FBXO42: variants seen among roughly 807,000 people sequenced by gnomAD.
FBXO42 encodes the protein F-box protein 42.
In FBXO42, 12 loss-of-function variants were observed where a neutral mutation model predicts 71.7. The observed-to-expected ratio is 0.17, with a 90% CI of 0.11 to 0.27. The LOEUF (loss-of-function observed/expected upper bound fraction) is 0.27, where lower values mean the gene tolerates loss of function less well. Ranked by LOEUF, FBXO42 falls within the 10% of genes least tolerant of loss-of-function variation. FBXO42 has a pLI of 1.00. For missense variants in FBXO42, 707 were observed against 911.9 expected, an observed-to-expected ratio of 0.78 and a Z score of 2.89; for synonymous variants, 325 against 327.5, an observed-to-expected ratio of 0.99 and a Z score of 0.08.
chr1:16,334,073 A>G (rs2082526812), intron 1 of FBXO42, among the ~76,000 whole-genome samples: 1 of 152,196 alleles, frequency 6.6e-6, no homozygotes, highest in Non-Finnish European at 1.5e-5. Context: ...ATTCAAAGAT[A>G]GCTTATAATA....
chr1:16,301,989 G>A (rs2082199922), intron 3 of FBXO42, among the ~76,000 whole-genome samples: 2 of 152,014 alleles, frequency 1.3e-5, no homozygotes, highest in African/African-American at 4.8e-5. Context: ...AGAAACTGTG[G>A]GTCAGACAAG....
intron 4 of FBXO42, among the ~76,000 whole-genome samples, chr1:16,282,670 C>A (rs1322315026): frequency 6.6e-6 from 1 of 151,840 alleles, no homozygotes; most frequent in Non-Finnish European, 1.5e-5. Flanking sequence ...CACAGTAAGA[C>A]CCCATTTCCA....
Position 16,250,902 on chromosome 1 carries a change from C to A in FBXO42, c.1922G>T (p.Cys641Phe). ...VGKPLYQSMN[C>F]KPMQMYVLDI... is the part of the protein sequence containing the mutation. Reference sequence around the variant, plus strand: ...CAGCACGTACATCTGCATGGGCTTGCAGTTCATACTCTGGTATAGGGGTTT... The same window carrying A: ...CAGCACGTACATCTGCATGGGCTTGAAGTTCATACTCTGGTATAGGGGTTT... Residue 641 changes from cysteine to phenylalanine, a missense_variant, in exon 10 of 10, where the codon TGC (cysteine) becomes TTC (phenylalanine). Cys to Phe is a radical substitution (Grantham distance 205, BLOSUM62 -2). This residue lies in a region of FBXO42 where 482 missense variants were observed against 587.1 expected (regional missense o/e 0.82). Transcript: ENST00000375592. The surrounding 1 kb of genome is among the most constrained non-coding windows in gnomAD (Gnocchi z 4.7). The A allele has an allele frequency of 6.2e-7, 1 of 1,614,154 alleles. No homozygotes were observed. The highest frequency in any genetic ancestry group is 1.1e-5 in the South Asian group (1 of 91,090).
intron 3 of FBXO42, among the ~76,000 whole-genome samples, chr1:16,298,698 T>C (rs753663973): frequency 1.3e-5 from 2 of 152,038 alleles, no homozygotes; most frequent in African/African-American, 4.8e-5. Context: ...TTAGTAGATA[T>C]GGGGTTCCAC....
chr1:16,253,888 A>G (rs1298437863), intron 6 of FBXO42, among the ~76,000 whole-genome samples, 157 bp from the exon 7 acceptor site: 1 of 152,170 alleles, frequency 6.6e-6, no homozygotes, highest in Non-Finnish European at 1.5e-5. Context: ...GAGATGCCCT[A>G]CTCAGAGTTC....
At position 16,312,260 on chromosome 1, in the gene FBXO42, G is replaced by A. The variant is rs374415851; in HGVS notation, c.250+2909C>T. Among the ~76,000 whole-genome samples, 6 of 152,240 alleles carry A rather than the reference G, an allele frequency of 3.9e-5. No individual in the cohort carries two copies. In the East Asian group the frequency reaches 1.2e-3, roughly 29 times the overall value. ...ACCTGTGGTCCCAGCTATTCTGGTGGCTGAGGAGGGAAGATGACTTGAGCC... is the reference window on the plus strand; with the variant it reads ...ACCTGTGGTCCCAGCTATTCTGGTGACTGAGGAGGGAAGATGACTTGAGCC... On this transcript the variant is annotated intron_variant, in intron 2 of 9. Transcript: ENST00000375592.
chr1:16,257,220 A>G (rs1387723184), intron 4 of FBXO42, among the ~76,000 whole-genome samples: 1 of 152,222 alleles, frequency 6.6e-6, no homozygotes, highest in Non-Finnish European at 1.5e-5. Context: ...TAGAGGCTGG[A>G]TGTCTGGATG....
chr1:16,324,033 T>C (rs530197465), intron 1 of FBXO42, among the ~76,000 whole-genome samples: 1 of 152,224 alleles, frequency 6.6e-6, no homozygotes, highest in South Asian at 2.1e-4. Flanking sequence ...GAAAATATAC[T>C]GTTGAATGAG....
intron 1 of FBXO42, among the ~76,000 whole-genome samples, chr1:16,345,663 C>T (rs2082648946): frequency 6.6e-6 from 1 of 151,804 alleles, no homozygotes; most frequent in Admixed American, 6.6e-5. Flanking sequence ...TCCTGGCTAA[C>T]AAGGTGAAAC....
In FBXO42 at chr1:16,305,857, C is replaced by T. The variant is rs2082244636; in HGVS notation, c.313G>A (p.Glu105Lys). Residue 105 changes from glutamate (E) to lysine (K), a missense_variant, in exon 3 of 10, where the codon GAG becomes AAG. Glu to Lys is a moderately conservative substitution (Grantham distance 56). Around this residue, in one of 5 missense-constraint regions of FBXO42, gnomAD observed 188 missense variants for 230.5 expected, o/e 0.82. Transcript: ENST00000375592. Reference sequence around the variant, plus strand: ...CCAGGATAAGGATAGGTACGGCTCTCCCACTGAATGTTTCCTTCCTGGACA... The same window carrying T: ...CCAGGATAAGGATAGGTACGGCTCTTCCACTGAATGTTTCCTTCCTGGACA... ...KAVQEGNIQW[E>K]SRTYPYPGTP... 1 of 1,614,024 alleles carries T rather than the reference C, an allele frequency of 6.2e-7. No individual in the cohort carries two copies. The highest frequency in any genetic ancestry group is 8.5e-7 in the Non-Finnish European group (1 of 1,180,026).
rs1265286262 is a variant in FBXO42 at position 16,255,767 on chromosome 1, G to A, written c.711C>T (p.Ser237=). ...CAATCATTTTATCATCTATCACACAGGAGGAGTGGCCAGCCATGGGAGGTG... is the reference window on the plus strand; with the variant it reads ...CAATCATTTTATCATCTATCACACAAGAGGAGTGGCCAGCCATGGGAGGTG... ...HGPPPMAGHS[S]CVIDDKMIVF... Residue 237 remains serine (S), a synonymous_variant, in exon 6 of 10, where the codon TCC becomes TCT. Coordinates refer to ENST00000375592, the MANE Select transcript of FBXO42 (RefSeq NM_018994.3). 1 of 1,614,158 alleles carries A rather than the reference G, an allele frequency of 6.2e-7. No homozygotes were observed. Among genetic ancestry groups the A allele is most frequent in the South Asian group, 1.1e-5 (1 of 91,076 alleles).
rs867234836 is a variant in FBXO42, at chr1:16,344,820, C to T, written c.-18+7435G>A. Among the ~76,000 whole-genome samples the T allele has an allele frequency of 1.2e-4, 19 of 152,056 alleles. No individual in the cohort carries two copies. The East Asian group carries it at 2.3e-3, about 19-fold the overall frequency. On this transcript the variant is annotated intron_variant, in intron 1 of 9. Transcript: ENST00000375592. ...TGATTTCTAATAATATTTTCTGGGCCGGGCGTGGTGGCTCACACCTGTTAT... is the reference window on the plus strand; with the variant it reads ...TGATTTCTAATAATATTTTCTGGGCTGGGCGTGGTGGCTCACACCTGTTAT...
intron 3 of FBXO42, among the ~76,000 whole-genome samples, chr1:16,298,140 C>T (rs113971795): frequency 2.0e-5 from 3 of 150,318 alleles, no homozygotes; most frequent in African/African-American, 7.3e-5. Context: ...GCAGTAGAAT[C>T]GCTCGAACCC....
At chr1:16,274,811 C>G (rs1021153601) in intron 4 of FBXO42, among the ~76,000 whole-genome samples, 9 of 151,694 alleles carry the variant, frequency 5.9e-5, no homozygotes, top group Non-Finnish European at 1.2e-4. Context: ...AGGATTCTCT[C>G]GATCTCCTGA....
chr1:16,303,101 AG>A (rs2082213477), intron 3 of FBXO42, among the ~76,000 whole-genome samples: 1 of 152,208 alleles, frequency 6.6e-6, no homozygotes, highest in African/African-American at 2.4e-5. Flanking sequence ...AGGGCAAATA[AG>A]GAAGTTTAAG....
At chr1:16,335,342 C>T (rs547329988) in intron 1 of FBXO42, among the ~76,000 whole-genome samples, 4 of 152,130 alleles carry the variant, frequency 2.6e-5, no homozygotes, top group Admixed American at 6.6e-5. Flanking sequence ...TTCGCCACAT[C>T]GCCCAGGCTG....
intron 4 of FBXO42, among the ~76,000 whole-genome samples, chr1:16,290,380 A>G (rs1367354602): frequency 6.6e-6 from 1 of 152,150 alleles, no homozygotes; most frequent in Non-Finnish European, 1.5e-5. Flanking sequence ...TAGCCCTCAT[A>G]AGATGAATCC....
At chr1:16,305,131 TC>T (rs1010165333) in intron 3 of FBXO42, among the ~76,000 whole-genome samples, 3 of 152,160 alleles carry the variant, frequency 2.0e-5, no homozygotes, top group Admixed American at 6.6e-5. Flanking sequence ...ACACTTGTAA[TC>T]CCAACATTTT....
intron 2 of FBXO42, among the ~76,000 whole-genome samples, chr1:16,308,567 C>T (rs1156268819): frequency 6.7e-6 from 1 of 148,924 alleles, no homozygotes; most frequent in Non-Finnish European, 1.5e-5. Flanking sequence ...TGGCACGATC[C>T]CCGTTCACCA....
Sources: allele counts gnomAD v4.1 joint callset (sites outside exome capture counted in the v4.1 genomes callset), GRCh38; gene constraint gnomAD v4.1.1; regional missense constraint gnomAD v4.1.1; non-coding constraint Gnocchi (gnomAD v3.1); transcripts MANE v1.5; gene names NCBI Gene and HGNC (gene_info 2026-07-23, HGNC 2026-07-21).